NBEA: variants seen among roughly 807,000 people sequenced by gnomAD.
The protein encoded by NBEA is neurobeachin.
In NBEA, 44 loss-of-function variants were observed where a neutral mutation model predicts 343.4. The observed-to-expected ratio is 0.13, with a 90% CI of 0.10 to 0.16. NBEA has a LOEUF of 0.16. NBEA is among the 10% of genes least tolerant of loss of function. NBEA has a pLI of 1.00. For missense variants in NBEA, 2,555 were observed against 3,631.3 expected (o/e 0.70, Z 7.62); for synonymous variants, 1,175 against 1,238.7 (o/e 0.95, Z 1.08).
intron 36 of NBEA, among the ~76,000 whole-genome samples, chr13:35,346,920 A>C (rs557132762): frequency 3.3e-5 from 5 of 152,212 alleles, no homozygotes; most frequent in Admixed American, 1.3e-4. Flanking sequence ...ACCCTAAAAT[A>C]AAGGAACCAT....
At chr13:35,171,178 T>C in intron 25 of NBEA, 94 bp from the exon 26 acceptor site, 1 of 961,072 alleles carries the variant, frequency 1.0e-6, no homozygotes, top group Non-Finnish European at 1.6e-6. Flanking sequence ...GTAAATATAC[T>C]AAATTTATGT....
chr13:35,006,373 G>A (rs2061318675), intron 1 of NBEA, among the ~76,000 whole-genome samples: 1 of 151,848 alleles, frequency 6.6e-6, no homozygotes, highest in Non-Finnish European at 1.5e-5. Flanking sequence ...ATCATTTTCT[G>A]GACAATTCAT....
chr13:35,114,547 C>G (rs1203088729), intron 13 of NBEA, among the ~76,000 whole-genome samples: 2 of 152,104 alleles, frequency 1.3e-5, no homozygotes, highest in Non-Finnish European at 2.9e-5. Context: ...CTGACCTCTA[C>G]TGTCTCCTTG....
intron 17 of NBEA, among the ~76,000 whole-genome samples, chr13:35,133,842 A>G (rs1299181932): frequency 6.6e-6 from 1 of 152,086 alleles, no homozygotes; most frequent in African/African-American, 2.4e-5. Context: ...GTTATCCCGA[A>G]GTAGAGTGTG....
chr13:34,972,905 AAG>A (rs2060045250), intron 1 of NBEA, among the ~76,000 whole-genome samples: 1 of 152,132 alleles, frequency 6.6e-6, no homozygotes, highest in African/African-American at 2.4e-5. Flanking sequence ...ATTTGGAGGA[AAG>A]AGAGCACTGT....
intron 1 of NBEA, among the ~76,000 whole-genome samples, chr13:34,950,618 T>G (rs1213948161): frequency 6.6e-6 from 1 of 151,542 alleles, no homozygotes; most frequent in Non-Finnish European, 1.5e-5. Context: ...TTAAAAAAAT[T>G]TTAAATACTT....
chr13:35,338,924 T>G (rs910356676), intron 36 of NBEA, among the ~76,000 whole-genome samples: 1 of 152,010 alleles, frequency 6.6e-6, no homozygotes, highest in East Asian at 1.9e-4. Context: ...ATAGATAAAA[T>G]CATTTGACAA....
chr13:35,051,736 C>T (rs1183474309), intron 6 of NBEA, among the ~76,000 whole-genome samples: 1 of 151,922 alleles, frequency 6.6e-6, no homozygotes, highest in Non-Finnish European at 1.5e-5. Flanking sequence ...AGATAGTTTG[C>T]TAAAAGTGCC....
intron 6 of NBEA, 102 bp from the exon 7 acceptor site, chr13:35,055,908 C>T (rs2063240750): frequency 3.4e-6 from 3 of 892,404 alleles, no homozygotes; most frequent in Non-Finnish European, 4.7e-6. Context: ...CCTTAATAGT[C>T]CTGTCAGCAT....
chr13:35,241,771 C>A (rs541957856), intron 34 of NBEA, among the ~76,000 whole-genome samples: 8 of 151,808 alleles, frequency 5.3e-5, no homozygotes, highest in African/African-American at 1.9e-4. Context: ...GAAGTAAACA[C>A]CTAGCTAAGA....
chr13:35,537,349 A>G (rs1315951071), intron 41 of NBEA, among the ~76,000 whole-genome samples: 1 of 152,040 alleles, frequency 6.6e-6, no homozygotes, highest in East Asian at 1.9e-4. Context: ...CAGAAGAACA[A>G]AATCAGAAAT....
intron 33 of NBEA, among the ~76,000 whole-genome samples, chr13:35,225,453 C>G (rs1024627262): frequency 6.6e-6 from 1 of 152,086 alleles, no homozygotes; most frequent in Non-Finnish European, 1.5e-5. Context: ...GAAGAAGGAT[C>G]TAGGCAGAAC....
intron 48 of NBEA, among the ~76,000 whole-genome samples, chr13:35,624,079 T>TGA (rs1491042792): frequency 7.2e-6 from 1 of 139,546 alleles, no homozygotes; most frequent in African/African-American, 3.1e-5. Context: ...TGTGTGTGTG[T>TGA]GAGAATTGCA....
chr13:35,309,995 A>G (rs572456272), intron 36 of NBEA, among the ~76,000 whole-genome samples: 25 of 152,186 alleles, frequency 1.6e-4, no homozygotes, highest in South Asian at 6.2e-4. Context: ...CATGCATTCA[A>G]TGTCCAACTG....
intron 38 of NBEA, among the ~76,000 whole-genome samples, chr13:35,387,021 A>G (rs2042274310): frequency 6.6e-6 from 1 of 152,088 alleles, no homozygotes; most frequent in Non-Finnish European, 1.5e-5. Flanking sequence ...TGATTTTTTC[A>G]TGCCCTTTAA....
chr13:35,517,758 T>C (rs2152990472), intron 41 of NBEA, among the ~76,000 whole-genome samples: 1 of 152,268 alleles, frequency 6.6e-6, no homozygotes, highest in South Asian at 2.1e-4. Context: ...TTTATTGTAG[T>C]TTGTCTTTTA....
chr13:35,465,823 G>C (rs1594729577), intron 40 of NBEA, among the ~76,000 whole-genome samples: 1 of 146,244 alleles, frequency 6.8e-6, no homozygotes, highest in Admixed American at 6.9e-5. Flanking sequence ...AAATGCAGCA[G>C]TTTTTTTTTT....
Position 35,160,020 on chromosome 13 carries a change from T to A in NBEA, c.3849T>A (p.Thr1283=). 6.3e-7 allele frequency: 1 copy of A among 1,577,242 alleles called. No individual in the cohort carries two copies. Among genetic ancestry groups the A allele is most frequent in the Non-Finnish European group, 8.6e-7 (1 of 1,164,262 alleles). ...AAGAAATCCGAAAAATCCAAACAAC[T>A]ACTACGACACAAGTAAGCTACCTTA... ...SGKEIRKIQT[T]TTTQAVQGRS... is the part of the protein sequence containing the mutation. The change falls in exon 22 of 59, where the codon ACT becomes ACA. Residue 1283 remains threonine, a synonymous_variant. Transcript: ENST00000379939.
At chr13:34,996,464 T>TTGTG (rs147410730) in intron 1 of NBEA, among the ~76,000 whole-genome samples, 138 of 150,544 alleles carry the variant, frequency 9.2e-4, no homozygotes, top group African/African-American at 2.4e-3. Flanking sequence ...ACCTCTGCGT[T>TTGTG]TGTGTGTGTG....
Sources: gnomAD v4.1 joint callset for allele counts (sites outside exome capture counted in the v4.1 genomes callset) on GRCh38, gnomAD v4.1.1 for gene constraint, MANE v1.5 for transcripts, NCBI Gene and HGNC (gene_info 2026-07-23, HGNC 2026-07-21) for gene names.